Variants in UNC5D observed in about 807,000 individuals in gnomAD.
The protein encoded by UNC5D is unc-5 netrin receptor D, also known as netrin receptor UNC5D.
Under a neutral mutation model 105.4 loss-of-function variants are expected in UNC5D, and 39 were observed. The observed-to-expected ratio is 0.37, with a 90% CI of 0.29 to 0.48. The LOEUF (loss-of-function observed/expected upper bound fraction) is 0.48. UNC5D is among the 20% of genes least tolerant of loss of function. The probability of loss-of-function intolerance (pLI) is 0.98; values close to 1 mark genes in which losing one functional copy is unlikely to be tolerated. For missense variants in UNC5D, 991 were observed against 1,202.4 expected (o/e 0.82, Z 2.60); for synonymous variants, 452 against 450.4 (o/e 1.00, Z -0.04).
At chr8:35,324,940 T>C (rs1450859156) in intron 1 of UNC5D, among the ~76,000 whole-genome samples, 5 of 152,052 alleles carry the variant, frequency 3.3e-5, no homozygotes. Context: ...GCAACATTGG[T>C]GTGTGCCAGG....
intron 1 of UNC5D, among the ~76,000 whole-genome samples, chr8:35,536,378 T>C (rs1035495422): frequency 6.6e-6 from 1 of 152,196 alleles, no homozygotes; most frequent in African/African-American, 2.4e-5. Context: ...GCATCAAAAC[T>C]TCATCCTCAT....
At chr8:35,409,873 C>T (rs1461326457) in intron 1 of UNC5D, among the ~76,000 whole-genome samples, 2 of 151,404 alleles carry the variant, frequency 1.3e-5, no homozygotes, top group African/African-American at 4.8e-5. Flanking sequence ...ATACTTAAGT[C>T]AGCAGTCCAT....
intron 1 of UNC5D, among the ~76,000 whole-genome samples, chr8:35,505,208 T>C (rs954392909): frequency 1.3e-5 from 2 of 152,264 alleles, no homozygotes; most frequent in South Asian, 2.1e-4. Context: ...TAAATTATGA[T>C]GACCTGTTTT....
chr8:35,246,294 G>A (rs79291564), intron 1 of UNC5D, among the ~76,000 whole-genome samples: 1,552 of 152,206 alleles, frequency 0.01, 17 homozygotes, highest in Middle Eastern at 0.024. Flanking sequence ...CTTCAGTAAA[G>A]GGATAATACT....
chr8:35,664,934 A>G (rs1334071920), intron 4 of UNC5D, among the ~76,000 whole-genome samples: 2 of 152,094 alleles, frequency 1.3e-5, no homozygotes, highest in Admixed American at 6.5e-5. Context: ...CCTGGGCTGA[A>G]GTGATCCTCC....
At chr8:35,694,918 GA>G (rs1038013478) in intron 7 of UNC5D, among the ~76,000 whole-genome samples, 5 of 151,714 alleles carry the variant, frequency 3.3e-5, no homozygotes, top group African/African-American at 9.7e-5. Context: ...TCTTGTGGCA[GA>G]AAAAAAATGT....
chr8:35,701,380 G>A (rs558607970), intron 7 of UNC5D, among the ~76,000 whole-genome samples: 2 of 152,292 alleles, frequency 1.3e-5, no homozygotes, highest in East Asian at 1.9e-4. Flanking sequence ...GTCCACATGT[G>A]CCATCTTCCC....
Position 35,677,434 on chromosome 8 carries a change from G to C in UNC5D, c.571-6113G>C, listed in dbSNP as rs577027392. ...ATTTATGTTACCTCCCTGGCCCCCA[G>C]GAACATTGGAGTTTGCAACTGCTGG... On this transcript the variant is annotated intron_variant, in intron 4 of 16. Transcript: ENST00000404895. Among the ~76,000 whole-genome samples, 15 of 152,104 alleles carry C rather than the reference G, an allele frequency of 9.9e-5. No individual in the cohort carries two copies. In the South Asian group the frequency reaches 2.3e-3, roughly 23 times the overall value.
intron 1 of UNC5D, among the ~76,000 whole-genome samples, chr8:35,547,917 C>G (rs1024380345): frequency 1.3e-5 from 2 of 152,182 alleles, no homozygotes; most frequent in Non-Finnish European, 2.9e-5. Context: ...AGCTGAGGAG[C>G]AAGGAAGCCA....
intron 1 of UNC5D, among the ~76,000 whole-genome samples, chr8:35,311,279 G>A (rs1025474783): frequency 6.6e-6 from 1 of 152,132 alleles, no homozygotes; most frequent in African/African-American, 2.4e-5. Context: ...TATTTAGAAA[G>A]GCCTTGGACA....
chr8:35,738,384 G>T (rs1030927577), intron 11 of UNC5D, among the ~76,000 whole-genome samples: 6 of 152,124 alleles, frequency 3.9e-5, no homozygotes, highest in Non-Finnish European at 8.8e-5. Flanking sequence ...TGCTACATTT[G>T]GAAATCATCT....
chr8:35,457,165 CACTT>C (rs1206336900), intron 1 of UNC5D, among the ~76,000 whole-genome samples: 2 of 152,152 alleles, frequency 1.3e-5, no homozygotes, highest in African/African-American at 4.8e-5. Context: ...ATATAATAGA[CACTT>C]AATTCTTCTC....
intron 1 of UNC5D, among the ~76,000 whole-genome samples, chr8:35,528,421 C>T (rs1164774349): frequency 6.7e-6 from 1 of 149,582 alleles, no homozygotes; most frequent in Non-Finnish European, 1.5e-5. Context: ...GTATATGTGC[C>T]ACATTTTCTT....
intron 4 of UNC5D, among the ~76,000 whole-genome samples, chr8:35,665,898 T>C (rs577890504): frequency 3.3e-5 from 5 of 152,240 alleles, no homozygotes; most frequent in African/African-American, 9.6e-5. Flanking sequence ...AATATGTTCA[T>C]ATATACATTT....
chr8:35,589,950 C>T (rs766300615), intron 3 of UNC5D, among the ~76,000 whole-genome samples: 2 of 152,124 alleles, frequency 1.3e-5, no homozygotes, highest in Non-Finnish European at 1.5e-5. Context: ...TTTAATATTA[C>T]TGTTTCTTAT....
At chr8:35,746,289 T>C (rs1307951445) in intron 11 of UNC5D, among the ~76,000 whole-genome samples, 1 of 152,186 alleles carries the variant, frequency 6.6e-6, no homozygotes, top group Non-Finnish European at 1.5e-5. Context: ...TGCGAAGAGC[T>C]TTAATTAATA....
intron 1 of UNC5D, among the ~76,000 whole-genome samples, chr8:35,257,859 T>C (rs1355607918): frequency 6.6e-6 from 1 of 152,178 alleles, no homozygotes; most frequent in African/African-American, 2.4e-5. Flanking sequence ...AAAATAAAAG[T>C]AAAAGTGATT....
chr8:35,779,410 T>C (rs1463981035), intron 16 of UNC5D, among the ~76,000 whole-genome samples: 1 of 152,218 alleles, frequency 6.6e-6, no homozygotes, highest in Non-Finnish European at 1.5e-5. Context: ...ATTCAATAAA[T>C]ATTTCTCTAA....
At chr8:35,748,985 C>T (rs1002063561) in intron 12 of UNC5D, among the ~76,000 whole-genome samples, 1 of 152,128 alleles carries the variant, frequency 6.6e-6, no homozygotes, top group South Asian at 2.1e-4. Flanking sequence ...CCCTTCACTT[C>T]CCCCTTGGCC....
Sources: allele counts gnomAD v4.1 joint callset (sites outside exome capture counted in the v4.1 genomes callset), GRCh38; gene constraint gnomAD v4.1.1; transcripts MANE v1.5; gene names NCBI Gene and HGNC (gene_info 2026-07-23, HGNC 2026-07-21).